The following FBXO17 variants were observed in gnomAD, a reference collection of about 807,000 sequenced individuals.
FBXO17 encodes F-box only protein 17.
In FBXO17, 43 loss-of-function variants were observed where a neutral mutation model predicts 34.1. The ratio of observed to expected loss-of-function variants is 1.26; its 90% confidence interval spans 0.99 to 1.62. The LOEUF (loss-of-function observed/expected upper bound fraction) is 1.62, where lower values mean the gene tolerates loss of function less well. FBXO17 is among the 40% of genes most tolerant of loss of function. The probability of loss-of-function intolerance (pLI) is 0.00; values close to 1 mark genes in which losing one functional copy is unlikely to be tolerated. For missense variants in FBXO17, 424 were observed against 386.7 expected (o/e 1.10, Z -0.81); for synonymous variants, 169 against 166.0 (o/e 1.02, Z -0.14).
intron 1 of FBXO17, among the ~76,000 whole-genome samples, chr19:38,957,913 G>T (rs980799968): frequency 6.6e-6 from 1 of 151,912 alleles, no homozygotes; most frequent in African/African-American, 2.4e-5. Context: ...ACCAGCCTAG[G>T]CAACATGACG....
chr19:38,950,647 A>G (rs929254538), intron 1 of FBXO17, among the ~76,000 whole-genome samples: 1 of 152,172 alleles, frequency 6.6e-6, no homozygotes, highest in Admixed American at 6.5e-5. Flanking sequence ...AACTAACCCC[A>G]TTTTTGTTTA....
intron 1 of FBXO17, among the ~76,000 whole-genome samples, chr19:38,958,175 A>G (rs1370582727): frequency 1.3e-5 from 2 of 151,076 alleles, no homozygotes; most frequent in Non-Finnish European, 2.9e-5. Flanking sequence ...ACTTTGGGAG[A>G]CCAAGGTGGG....
chr19:38,973,588 G>C (rs1309450863), intron 1 of FBXO17, among the ~76,000 whole-genome samples: 2 of 152,028 alleles, frequency 1.3e-5, no homozygotes, highest in Non-Finnish European at 2.9e-5. Context: ...AAAAATTAAG[G>C]CAAACTTTTC....
chr19:38,972,467 C>T (rs192011866), intron 1 of FBXO17, among the ~76,000 whole-genome samples: 1 of 149,352 alleles, frequency 6.7e-6, no homozygotes, highest in Non-Finnish European at 1.5e-5. Flanking sequence ...ATTGCTTGAA[C>T]CCAGGAGGTC....
At chr19:38,957,213 C>T (rs1399644047) in intron 1 of FBXO17, among the ~76,000 whole-genome samples, 1 of 152,100 alleles carries the variant, frequency 6.6e-6, no homozygotes, top group Non-Finnish European at 1.5e-5. Flanking sequence ...CAGAGCGACT[C>T]TGTCTCAAAA....
rs113548517 is a variant in FBXO17, at chr19:38,949,972, C to T, written c.348G>A (p.Glu116=). The change falls in exon 2 of 6, where the codon GAG becomes GAA. Residue 116 remains glutamate (E), a splice_region_variant and synonymous_variant. Coordinates refer to ENST00000292852, the MANE Select transcript of FBXO17 (RefSeq NM_024907.7). The part of the protein sequence containing the change: ...GRNLIFNSCG[E]QGFRGWEVEH... ...CTGGGCCCCGCCCCCGTCACCCACG[C>T]TCTCCGCAGGAGTTGAAGATGAGAT... 2.7e-5 allele frequency: 42 copies of T among 1,535,984 alleles called. No individual in the cohort carries two copies. The African/African-American group carries it at 3.3e-4, about 12-fold the overall frequency.
intron 1 of FBXO17, among the ~76,000 whole-genome samples, chr19:38,972,984 C>T (rs1012324836): frequency 6.6e-6 from 1 of 152,160 alleles, no homozygotes; most frequent in Non-Finnish European, 1.5e-5. Context: ...TCTCGAACTC[C>T]TCAGCCTCCC....
intron 1 of FBXO17, among the ~76,000 whole-genome samples, chr19:38,954,919 ATT>A (rs1975144290): frequency 7.7e-6 from 1 of 129,544 alleles, no homozygotes; most frequent in Non-Finnish European, 1.6e-5. Context: ...TATTATTATT[ATT>A]ATTATTATTA....
chr19:38,942,899 C>G, intron 5 of FBXO17, 148 bp from the exon 6 acceptor site: 1 of 957,426 alleles, frequency 1.0e-6, no homozygotes, highest in Non-Finnish European at 1.5e-6. Context: ...GAAAAGGACC[C>G]CGCCCTGGTG....
intron 1 of FBXO17, among the ~76,000 whole-genome samples, chr19:38,967,397 G>A (rs766439498): frequency 6.6e-6 from 1 of 151,944 alleles, no homozygotes; most frequent in Admixed American, 6.6e-5. Context: ...CTGAGATCAC[G>A]CCATCGCACT....
At chr19:38,969,438 CAA>C (rs771872488) in intron 1 of FBXO17, among the ~76,000 whole-genome samples, 19 of 69,770 alleles carry the variant, frequency 2.7e-4, no homozygotes, top group Admixed American at 4.9e-4. Context: ...ACTCCATCTC[CAA>C]AAAAAAAAAA....
At chr19:38,954,890 GTTATT>G (rs1418679851) in intron 1 of FBXO17, among the ~76,000 whole-genome samples, 3 of 124,068 alleles carry the variant, frequency 2.4e-5, no homozygotes, top group African/African-American at 8.7e-5. Context: ...CTGACAATGT[GTTATT>G]TTATTATTAT....
chr19:38,967,076 T>C (rs777393752), intron 1 of FBXO17, among the ~76,000 whole-genome samples: 9 of 152,214 alleles, frequency 5.9e-5, no homozygotes, highest in Non-Finnish European at 1.0e-4. Flanking sequence ...GTTAAAACTT[T>C]TGTACTTGCA....
intron 1 of FBXO17, among the ~76,000 whole-genome samples, chr19:38,950,917 G>A (rs1031024439): frequency 1.5e-4 from 22 of 148,914 alleles, no homozygotes; most frequent in African/African-American, 5.5e-4. Flanking sequence ...TCAGCCTCCC[G>A]AGTAGCTGGA....
chr19:38,955,559 C>T (rs1475316684), intron 1 of FBXO17, among the ~76,000 whole-genome samples: 1 of 150,696 alleles, frequency 6.6e-6, no homozygotes, highest in African/African-American at 2.4e-5. Flanking sequence ...TCTCAGCTCA[C>T]TGCAACCTCT....
intron 1 of FBXO17, among the ~76,000 whole-genome samples, chr19:38,971,289 C>G (rs1975387875): frequency 6.6e-6 from 1 of 151,976 alleles, no homozygotes. Context: ...GCAGCAAACA[C>G]CCAGCTATGG....
rs773550745 is a variant in FBXO17 at position 38,945,050 on chromosome 19, C to G, written c.612G>C (p.Leu204=). The change falls in exon 5 of 6, where the codon CTG becomes CTC. Residue 204 remains leucine (L), a synonymous_variant. Coordinates refer to ENST00000292852, the MANE Select transcript of FBXO17 (RefSeq NM_024907.7). Reference sequence around the variant, plus strand: ...TGACCACTTCCTTTTCATACACATCCAGAAGGCGGACCCGGAGCTGGTAGA... The same window carrying G: ...TGACCACTTCCTTTTCATACACATCGAGAAGGCGGACCCGGAGCTGGTAGA... ...GCVYQLRVRL[L]DVYEKEVVKF... 6.2e-7 allele frequency: 1 copy of G among 1,614,210 alleles called. No homozygotes were observed. The highest frequency in any genetic ancestry group is 8.5e-7 in the Non-Finnish European group (1 of 1,180,048).
Position 38,959,340 on chromosome 19 carries a change from C to G in FBXO17, c.-17-9004G>C, listed in dbSNP as rs145124641. Among the ~76,000 whole-genome samples the G allele has an allele frequency of 1.5e-3, 225 of 150,890 alleles. 1 individual carries two copies. The highest frequency in any genetic ancestry group is 5.9e-3 in the East Asian group (30 of 5,062). On this transcript the variant is annotated intron_variant, in intron 1 of 5. Transcript: ENST00000292852. ...GTTGCCCAGGCTGGAGTGCAATGGC[C>G]CAATCTCGGCCCACTGCAATCTCCA...
At chr19:38,965,621 C>T (rs1350164612) in intron 1 of FBXO17, among the ~76,000 whole-genome samples, 3 of 152,354 alleles carry the variant, frequency 2.0e-5, no homozygotes, top group Middle Eastern at 6.8e-3. Context: ...GTTCTCCAGC[C>T]TCAGCCTCCT....
Sources: gnomAD v4.1 joint callset for allele counts (sites outside exome capture counted in the v4.1 genomes callset) on GRCh38, gnomAD v4.1.1 for gene constraint, MANE v1.5 for transcripts, NCBI Gene and HGNC (gene_info 2026-07-23, HGNC 2026-07-21) for gene names.